Variants in GNAL observed in about 807,000 individuals in gnomAD.
The protein encoded by GNAL is G protein subunit alpha L.
A neutral mutation model predicts 55.1 loss-of-function variants in GNAL; 18 were observed. The ratio of observed to expected loss-of-function variants is 0.33; its 90% CI spans 0.23 to 0.48. GNAL has a LOEUF of 0.48. Among genes scored for constraint, GNAL ranks in the 20% least tolerant of loss-of-function variants. The pLI is 0.99. For missense variants in GNAL, 412 were observed against 614.1 expected (o/e 0.67, Z 3.48); for synonymous variants, 253 against 237.0 (o/e 1.07, Z -0.62).
At chr18:11,876,561 C>T (rs1001249851) in intron 10 of GNAL, 60 bp from the exon 11 acceptor site, 141 of 1,004,076 alleles carry the variant, frequency 1.4e-4, no homozygotes, top group Non-Finnish European at 2.0e-4. Flanking sequence ...TCTGTGTTTT[C>T]GTAGAGTTGT....
At chr18:11,719,554 AG>A (rs1407156587) in intron 1 of GNAL, among the ~76,000 whole-genome samples, 1 of 152,254 alleles carries the variant, frequency 6.6e-6, no homozygotes, top group African/African-American at 2.4e-5. Context: ...AAGTGGAAGA[AG>A]AAATCCACGA....
At chr18:11,854,698 T>A (rs1207917343) in intron 5 of GNAL, among the ~76,000 whole-genome samples, 1 of 152,072 alleles carries the variant, frequency 6.6e-6, no homozygotes, top group Admixed American at 6.6e-5. Context: ...GGAGAATTGC[T>A]TGAACCTGGG....
At chr18:11,735,054 TG>T (rs1342394683) in intron 1 of GNAL, among the ~76,000 whole-genome samples, 4 of 150,602 alleles carry the variant, frequency 2.7e-5, no homozygotes, top group Non-Finnish European at 4.4e-5. Flanking sequence ...ATTGTTTTTG[TG>T]GGGGTTTTTT....
chr18:11,864,143 A>C (rs1287365414), intron 6 of GNAL, among the ~76,000 whole-genome samples: 2 of 148,830 alleles, frequency 1.3e-5, no homozygotes, highest in Non-Finnish European at 2.9e-5. Flanking sequence ...CTGGAATGCA[A>C]TGGCGCGATC....
intron 4 of GNAL, among the ~76,000 whole-genome samples, chr18:11,799,264 TATC>T (rs923142033): frequency 2.0e-5 from 3 of 152,126 alleles, no homozygotes; most frequent in Non-Finnish European, 4.4e-5. Flanking sequence ...TGAAAGAAAG[TATC>T]ATGTCTCCAG....
intron 1 of GNAL, among the ~76,000 whole-genome samples, chr18:11,692,644 C>A (rs909010504): frequency 6.6e-6 from 1 of 152,004 alleles, no homozygotes; most frequent in East Asian, 1.9e-4. Flanking sequence ...AGAGACACAG[C>A]GGTGGCTCAC....
intron 4 of GNAL, among the ~76,000 whole-genome samples, chr18:11,819,362 A>G (rs1302958810): frequency 6.6e-6 from 1 of 152,198 alleles, no homozygotes; most frequent in Non-Finnish European, 1.5e-5. Flanking sequence ...TATGAAATAG[A>G]GTCATTACAT....
chr18:11,741,724 T>C (rs185643660), intron 1 of GNAL, among the ~76,000 whole-genome samples: 36 of 152,358 alleles, frequency 2.4e-4, no homozygotes, highest in Admixed American at 2.0e-3. Flanking sequence ...TGTTGTCACC[T>C]GCTGGTGTAA....
At chr18:11,869,334 C>A (rs554646678) in intron 9 of GNAL, among the ~76,000 whole-genome samples, 3 of 151,658 alleles carry the variant, frequency 2.0e-5, no homozygotes, top group Non-Finnish European at 2.9e-5. Flanking sequence ...TAGTAGAGAC[C>A]GGGTTTCACC....
At position 11,804,070 on chromosome 18, in the gene GNAL, A is replaced by G. The variant is rs1458245570; in HGVS notation, c.625-20848A>G. ...TACAGGTGAAGTTTGGAACACGGAG[A>G]TACTGTGTAGTGGTGAAGTACAGGA... is the stretch of plus-strand genomic sequence containing the variant. On this transcript the variant is annotated intron_variant, in intron 4 of 11. Transcript: ENST00000334049. Among the ~76,000 whole-genome samples, 4 of 149,944 alleles carry G rather than the reference A, an allele frequency of 2.7e-5. No homozygotes were observed. The Admixed American group carries it at 2.7e-4, about 10-fold the overall frequency.
At chr18:11,785,723 C>G (rs2034037149) in intron 4 of GNAL, among the ~76,000 whole-genome samples, 1 of 151,968 alleles carries the variant, frequency 6.6e-6, no homozygotes, top group Non-Finnish European at 1.5e-5. Context: ...GTATGAGAGA[C>G]CAGAAGGAAC....
At chr18:11,838,150 C>T (rs2035537175) in intron 5 of GNAL, among the ~76,000 whole-genome samples, 1 of 152,052 alleles carries the variant, frequency 6.6e-6, no homozygotes, top group Non-Finnish European at 1.5e-5. Context: ...CGTTAACGAC[C>T]CAAATGCCCA....
chr18:11,769,854 C>A (rs2033579213), intron 4 of GNAL, among the ~76,000 whole-genome samples: 1 of 152,140 alleles, frequency 6.6e-6, no homozygotes, highest in Non-Finnish European at 1.5e-5. Context: ...CACACATGCA[C>A]ACACACTGGC....
rs1259427844 is a variant in GNAL at position 11,884,548 on chromosome 18, C to CCA, written c.*3416_*3417dup. On this transcript the variant is annotated 3_prime_UTR_variant, in exon 12 of 12. Transcript: ENST00000334049. The stretch of plus-strand genomic sequence containing the variant: ...GAGGACCACAAGGAAGCCCACCACT[C>CCA]CACAGTAGATGATCAAAACCACATC... 1.9e-6 allele frequency: 3 copies of CCA among 1,613,948 alleles called. No homozygotes were observed. Among genetic ancestry groups the CCA allele is most frequent in the Non-Finnish European group, 2.5e-6 (3 of 1,180,040 alleles).
intron 1 of GNAL, among the ~76,000 whole-genome samples, chr18:11,739,190 A>G (rs1333974143): frequency 6.6e-6 from 1 of 152,164 alleles, no homozygotes. Flanking sequence ...ATTTGGAAAC[A>G]ATCTCAAACT....
At chr18:11,707,840 G>T (rs975259776) in intron 1 of GNAL, among the ~76,000 whole-genome samples, 1 of 152,202 alleles carries the variant, frequency 6.6e-6, no homozygotes, top group Admixed American at 6.5e-5. Flanking sequence ...GCCTTACCTT[G>T]TACTTGTATG....
At chr18:11,817,588 G>A (rs145752560) in intron 4 of GNAL, among the ~76,000 whole-genome samples, 3 of 152,194 alleles carry the variant, frequency 2.0e-5, no homozygotes, top group East Asian at 1.9e-4. Context: ...TTGTTTTCGT[G>A]TAGTTTTCTT....
At chr18:11,838,539 C>T (rs1296341076) in intron 5 of GNAL, among the ~76,000 whole-genome samples, 1 of 152,170 alleles carries the variant, frequency 6.6e-6, no homozygotes, top group South Asian at 2.1e-4. Context: ...AATCAAGACT[C>T]CCTGTTGCAA....
chr18:11,789,537 T>C (rs540969318), intron 4 of GNAL, among the ~76,000 whole-genome samples: 85 of 152,184 alleles, frequency 5.6e-4, no homozygotes, highest in African/African-American at 2.1e-3. Context: ...TGGCACCATA[T>C]GGTGGGGAAG....
Sources: gnomAD v4.1 joint callset for allele counts (sites outside exome capture counted in the v4.1 genomes callset) on GRCh38, gnomAD v4.1.1 for gene constraint, MANE v1.5 for transcripts, NCBI Gene and HGNC (gene_info 2026-07-23, HGNC 2026-07-21) for gene names.